The following THSD7A variants were observed in gnomAD, a reference collection of about 807,000 sequenced individuals.
The protein encoded by THSD7A is thrombospondin type-1 domain-containing protein 7A.
Under a neutral mutation model 231.3 loss-of-function variants are expected in THSD7A, and 96 were observed. That is an observed-to-expected ratio of 0.41 (90% CI 0.35 to 0.49). The LOEUF (loss-of-function observed/expected upper bound fraction) is 0.49, where lower values mean the gene tolerates loss of function less well. Among genes scored for constraint, THSD7A ranks in the 20% least tolerant of loss-of-function variants. THSD7A has a pLI of 0.05. For synonymous variants in THSD7A, 940 were observed against 743.3 expected (o/e 1.26, Z -4.30); for missense variants, 2,290 against 2,070.2 (o/e 1.11, Z -2.06).
At chr7:11,524,297 C>T (rs114671718) in intron 6 of THSD7A, among the ~76,000 whole-genome samples, 2,289 of 152,062 alleles carry the variant, frequency 0.015, 53 homozygotes, top group African/African-American at 0.051. Context: ...AATCTTGGCG[C>T]ACAACTTCCC....
At position 11,371,608 on chromosome 7, in the gene THSD7A, C is replaced by T. The variant is rs1459316032; in HGVS notation, c.*4186G>A. On this transcript the variant is annotated 3_prime_UTR_variant, in exon 28 of 28. Transcript: ENST00000423059. ...TCAGCTTTAGAACAGGCTCTCCCTTCTGTATGGTACTGAAAAGTACAGTCC... is the reference window on the plus strand; with the variant it reads ...TCAGCTTTAGAACAGGCTCTCCCTTTTGTATGGTACTGAAAAGTACAGTCC... 1 of 152,132 alleles carries T rather than the reference C, an allele frequency of 6.6e-6. No homozygotes were observed. The highest frequency in any genetic ancestry group is 2.4e-5 in the African/African-American group (1 of 41,430). The allele number at this position is 152,132 out of a possible 1,614,324, so 9.4% of individuals were successfully genotyped here.
At chr7:11,708,418 G>C (rs117153784) in intron 1 of THSD7A, among the ~76,000 whole-genome samples, 15,172 of 150,638 alleles carry the variant, frequency 0.1, 948 homozygotes, top group South Asian at 0.16. Flanking sequence ...TTTATTGCTT[G>C]CTTTTTAATA....
intron 1 of THSD7A, among the ~76,000 whole-genome samples, chr7:11,664,307 G>A (rs898676543): frequency 1.1e-4 from 17 of 151,834 alleles, no homozygotes; most frequent in African/African-American, 3.9e-4. Context: ...AATAACAGAT[G>A]GCTGGGAGTA....
At position 11,636,832 on chromosome 7, in the gene THSD7A, T is replaced by C. The variant is rs933318733; in HGVS notation, c.320A>G (p.Asn107Ser). The change falls in exon 2 of 28, where the codon AAC becomes AGC. Residue 107 changes from asparagine to serine, a missense_variant. Transcript: ENST00000423059. This position sits in a 1 kb window ranked among gnomAD's most constrained non-coding sequence, Gnocchi z 10.0. ...TNCKQAERPN[N>S]QQNCFKVCDW... The stretch of plus-strand genomic sequence containing the variant: ...GCAAACTTTGAAACAATTCTGCTGG[T>C]TATTGGGTCTCTCGGCCTGCTTACA... 4.3e-6 allele frequency: 7 copies of C among 1,613,722 alleles called. No individual in the cohort carries two copies. The highest frequency in any genetic ancestry group is 1.3e-5 in the African/African-American group (1 of 74,862).
chr7:11,740,306 C>T (rs1782066509), intron 1 of THSD7A, among the ~76,000 whole-genome samples: 1 of 151,938 alleles, frequency 6.6e-6, no homozygotes, highest in Admixed American at 6.6e-5. Flanking sequence ...CTGAGCATAT[C>T]TGACGAGGTA....
intron 1 of THSD7A, among the ~76,000 whole-genome samples, chr7:11,663,267 A>T (rs1783001427): frequency 6.6e-6 from 1 of 151,456 alleles, no homozygotes; most frequent in Admixed American, 6.6e-5. Flanking sequence ...TTTGAAAAAT[A>T]AATGAAATAA....
chr7:11,384,510 A>G (rs1291629795), intron 23 of THSD7A: 4 of 151,908 alleles, frequency 2.6e-5, no homozygotes, highest in African/African-American at 7.2e-5. Context: ...TTAGGTCTAT[A>G]ATTTATTGAA....
At chr7:11,588,436 A>G (rs934205695) in intron 4 of THSD7A, among the ~76,000 whole-genome samples, 2 of 152,210 alleles carry the variant, frequency 1.3e-5, no homozygotes, top group African/African-American at 4.8e-5. Flanking sequence ...TAAATTATTC[A>G]TGTTACATAT....
intron 1 of THSD7A, among the ~76,000 whole-genome samples, chr7:11,764,456 C>G (rs1326533061): frequency 6.6e-6 from 1 of 151,666 alleles, no homozygotes; most frequent in African/African-American, 2.4e-5. Flanking sequence ...TGGCAGGCGC[C>G]TGTTGTCCCA....
At chr7:11,535,293 T>A (rs769735449) in intron 6 of THSD7A, among the ~76,000 whole-genome samples, 2 of 152,112 alleles carry the variant, frequency 1.3e-5, no homozygotes, top group Non-Finnish European at 2.9e-5. Flanking sequence ...TATTTTTTAC[T>A]AAGATATCCA....
intron 1 of THSD7A, among the ~76,000 whole-genome samples, chr7:11,769,136 TATATATATATATA>T (rs1783131333): frequency 1.9e-5 from 1 of 52,362 alleles, no homozygotes; most frequent in African/African-American, 6.1e-5. Flanking sequence ...TATATATATA[TATATATATATATA>T]TATATTTTTT....
chr7:11,801,520 T>G (rs950233032), intron 1 of THSD7A, among the ~76,000 whole-genome samples: 3 of 152,176 alleles, frequency 2.0e-5, no homozygotes, highest in African/African-American at 7.2e-5. Flanking sequence ...CTGGTGCATA[T>G]GAGTTCAAAA....
chr7:11,423,877 T>C (rs1302629577), intron 16 of THSD7A, among the ~76,000 whole-genome samples: 1 of 152,186 alleles, frequency 6.6e-6, no homozygotes, highest in Non-Finnish European at 1.5e-5. Flanking sequence ...ATAGATACTG[T>C]ATGGAAAATT....
chr7:11,779,293 C>T (rs1213513682), intron 1 of THSD7A, among the ~76,000 whole-genome samples: 1 of 152,108 alleles, frequency 6.6e-6, no homozygotes, highest in Admixed American at 6.6e-5. Flanking sequence ...TCATCTTTCT[C>T]TCTCCTATTT....
rs1401946924 is a variant in THSD7A at position 11,407,441 on chromosome 7, G to C, written c.3799-18C>G. ...AAGCCAAGCTGGAAGAACAGAGGTA[G>C]ATCAGGATGTATATTGTAAATTGGG... On this transcript the variant is annotated intron_variant, in intron 19 of 27. Transcript: ENST00000423059. 6.3e-7 allele frequency: 1 copy of C among 1,582,316 alleles called. No homozygotes were observed. The highest frequency in any genetic ancestry group is 2.2e-5 in the East Asian group (1 of 44,538).
intron 2 of THSD7A, among the ~76,000 whole-genome samples, chr7:11,601,267 T>C (rs1780540947): frequency 6.6e-6 from 1 of 152,214 alleles, no homozygotes; most frequent in Non-Finnish European, 1.5e-5. Flanking sequence ...TCTCAGCTTT[T>C]TGTAGAGACT....
At chr7:11,428,744 G>A (rs898430644) in intron 14 of THSD7A, among the ~76,000 whole-genome samples, 2 of 152,068 alleles carry the variant, frequency 1.3e-5, no homozygotes, top group Non-Finnish European at 2.9e-5. Context: ...ATATATACTT[G>A]CAAGGTATGG....
chr7:11,690,952 C>A (rs900009461), intron 1 of THSD7A, among the ~76,000 whole-genome samples: 1 of 151,540 alleles, frequency 6.6e-6, no homozygotes, highest in South Asian at 2.1e-4. Flanking sequence ...GGTATAGTCA[C>A]AGAATTTTAA....
intron 4 of THSD7A, among the ~76,000 whole-genome samples, chr7:11,581,079 A>C (rs1011963812): frequency 6.6e-6 from 1 of 152,268 alleles, no homozygotes; most frequent in Non-Finnish European, 1.5e-5. Context: ...GAATGAACAT[A>C]GAATGAGTTT....
Sources: allele counts gnomAD v4.1 joint callset (sites outside exome capture counted in the v4.1 genomes callset), GRCh38; gene constraint gnomAD v4.1.1; non-coding constraint Gnocchi (gnomAD v3.1); transcripts MANE v1.5; gene names NCBI Gene and HGNC (gene_info 2026-07-23, HGNC 2026-07-21).